TMEM164: variants seen among roughly 807,000 people sequenced by gnomAD.
The protein encoded by TMEM164 is RP13-360B22.2.
In TMEM164, 4 loss-of-function variants were observed where a neutral mutation model predicts 18.8. The ratio of observed to expected loss-of-function variants is 0.21; its 90% CI spans 0.10 to 0.49. The LOEUF is 0.49. TMEM164 is among the 20% of genes least tolerant of loss of function. The pLI is 0.98. For missense variants in TMEM164, 108 were observed against 239.9 expected, an observed-to-expected ratio of 0.45 and a Z score of 3.63; for synonymous variants, 86 against 101.7, an observed-to-expected ratio of 0.85 and a Z score of 0.93.
At chrX:110,100,603 G>A (rs1377587649) in intron 3 of TMEM164, among the ~76,000 whole-genome samples, 2 of 111,048 alleles carry the variant, frequency 1.8e-5, no homozygotes, top group African/African-American at 3.3e-5. Flanking sequence ...ATGGAGTCTC[G>A]CTCTGTTGCC....
intron 4 of TMEM164, among the ~76,000 whole-genome samples, chrX:110,116,847 T>C (rs1258834234): frequency 9.6e-6 from 1 of 104,455 alleles, no homozygotes; most frequent in African/African-American, 3.5e-5. Flanking sequence ...TGTGTGTGTG[T>C]GTGTGCGCGT....
chrX:110,181,045 C>T (rs1394172985), downstream of TMEM164, among the ~76,000 whole-genome samples: 1 of 111,338 alleles, frequency 9.0e-6, no homozygotes, highest in Admixed American at 9.5e-5. Flanking sequence ...TCTAGCGTGT[C>T]GGCGCTAACA....
At chrX:110,117,424 G>T (rs945542574) in intron 4 of TMEM164, among the ~76,000 whole-genome samples, 1 of 112,316 alleles carries the variant, frequency 8.9e-6, no homozygotes, top group Non-Finnish European at 1.9e-5. Flanking sequence ...CATGACTACA[G>T]TAGCAATAAT....
intron 4 of TMEM164, among the ~76,000 whole-genome samples, chrX:110,121,985 T>A (rs2066456176): frequency 8.9e-6 from 1 of 112,116 alleles, no homozygotes; most frequent in African/African-American, 3.2e-5. Context: ...CAGTTGAGCA[T>A]CCCTAGTCTG....
intron 2 of TMEM164, among the ~76,000 whole-genome samples, chrX:110,036,134 G>A (rs1934789342): frequency 1.8e-5 from 2 of 111,799 alleles, no homozygotes; most frequent in South Asian, 7.5e-4. Flanking sequence ...AATGATTGTT[G>A]AATGATGAAT....
At chrX:110,088,108 G>C (rs1485720437) in intron 3 of TMEM164, among the ~76,000 whole-genome samples, 2 of 112,168 alleles carry the variant, frequency 1.8e-5, no homozygotes, top group Non-Finnish European at 3.8e-5. Context: ...TTTCATTTAT[G>C]ATACTCTCAG....
intron 2 of TMEM164, among the ~76,000 whole-genome samples, chrX:110,011,835 G>A (rs1933023414): frequency 8.9e-6 from 1 of 112,035 alleles, no homozygotes; most frequent in Non-Finnish European, 1.9e-5. Context: ...AGTTCGCAGA[G>A]TTGCTTCCTC....
chrX:110,095,147 A>G (rs1187207010), intron 3 of TMEM164, among the ~76,000 whole-genome samples: 2 of 111,334 alleles, frequency 1.8e-5, no homozygotes, highest in East Asian at 5.6e-4. Context: ...GAATCTGACA[A>G]TTATGTGTCT....
rs753244455 is a variant in TMEM164 at position 110,146,485 on chromosome X, C to T, written c.586+1609C>T. On this transcript the variant is annotated intron_variant, in intron 5 of 6. Coordinates refer to ENST00000372068, the MANE Select transcript of TMEM164 (RefSeq NM_032227.4). Reference sequence around the variant, plus strand: ...CCCGATAGCCCAGTTCCCTAAGTGGCGAGGTGAGAGATAGTAGGGCTGTAA... The same window carrying T: ...CCCGATAGCCCAGTTCCCTAAGTGGTGAGGTGAGAGATAGTAGGGCTGTAA... Among the ~76,000 whole-genome samples the T allele has an allele frequency of 1.4e-4, 16 of 112,011 alleles. No individual in the cohort carries two copies. The South Asian group carries it at 3.7e-3, about 26-fold the overall frequency.
intron 4 of TMEM164, among the ~76,000 whole-genome samples, chrX:110,116,876 G>GGTGT (rs34180052): frequency 0.016 from 1,615 of 98,935 alleles, 38 homozygotes; most frequent in African/African-American, 0.047. Flanking sequence ...GTGTGTGTGT[G>GGTGT]GTGTGTGTGT....
At chrX:110,157,087 G>C (rs1042321902) in intron 5 of TMEM164, among the ~76,000 whole-genome samples, 1 of 111,783 alleles carries the variant, frequency 8.9e-6, no homozygotes, top group Non-Finnish European at 1.9e-5. Context: ...TATAGAACTA[G>C]TAGATGAAAA....
At chrX:110,047,375 G>T (rs1250253803) in intron 2 of TMEM164, among the ~76,000 whole-genome samples, 1 of 112,330 alleles carries the variant, frequency 8.9e-6, no homozygotes, top group Non-Finnish European at 1.9e-5. Context: ...CAGGAAGATT[G>T]TGTTTAAGTT....
At chrX:110,074,480 A>ATT (rs750970418) in intron 3 of TMEM164, among the ~76,000 whole-genome samples, 2 of 111,430 alleles carry the variant, frequency 1.8e-5, no homozygotes, top group East Asian at 5.6e-4. Flanking sequence ...CCACTTGTCA[A>ATT]TTTTTGTTTT....
intron 5 of TMEM164, among the ~76,000 whole-genome samples, chrX:110,149,538 T>A (rs1400726011): frequency 9.0e-6 from 1 of 111,671 alleles, no homozygotes; most frequent in Non-Finnish European, 1.9e-5. Context: ...TCACCAATCA[T>A]GTCTTCTCAA....
intron 2 of TMEM164, among the ~76,000 whole-genome samples, chrX:110,058,606 T>C (rs1469066117): frequency 4.4e-5 from 3 of 67,604 alleles, no homozygotes; most frequent in Non-Finnish European, 1.1e-4. Context: ...CTCCCCTTTC[T>C]TTCTTTTTTT....
At chrX:110,045,987 A>G in intron 2 of TMEM164, 2 of 713,171 alleles carry the variant, frequency 2.8e-6, no homozygotes, top group Non-Finnish European at 3.3e-6. Context: ...TTCTTGAGCC[A>G]GCTTGAATGA....
chrX:110,087,448 C>A (rs183477703), intron 3 of TMEM164, among the ~76,000 whole-genome samples: 35 of 111,578 alleles, frequency 3.1e-4, no homozygotes, highest in African/African-American at 8.5e-4. Flanking sequence ...GTAGCCTCGA[C>A]CTCTGAGTTG....
chrX:110,050,642 A>G (rs1935515670), intron 2 of TMEM164, among the ~76,000 whole-genome samples: 1 of 111,643 alleles, frequency 9.0e-6, no homozygotes, highest in African/African-American at 3.3e-5. Context: ...GCACATACGG[A>G]GGAAGAACCC....
intron 4 of TMEM164, among the ~76,000 whole-genome samples, chrX:110,117,452 G>A (rs1407161188): frequency 8.9e-6 from 1 of 112,136 alleles, no homozygotes; most frequent in Non-Finnish European, 1.9e-5. Flanking sequence ...ATATTTCAAA[G>A]TAGCTAGAAG....
Sources: gnomAD v4.1 joint callset for allele counts (sites outside exome capture counted in the v4.1 genomes callset) on GRCh38, gnomAD v4.1.1 for gene constraint, MANE v1.5 for transcripts, NCBI Gene and HGNC (gene_info 2026-07-23, HGNC 2026-07-21) for gene names.